Variants in RIT2 observed in about 807,000 individuals in gnomAD.
RIT2 encodes Ras like without CAAX 2.
RIT2 carries 24 observed loss-of-function variants against 23.7 expected under a neutral mutation model. The ratio of observed to expected loss-of-function variants is 1.01; its 90% CI spans 0.73 to 1.43. The LOEUF is 1.43. Among genes scored for constraint, RIT2 ranks in the 40% most tolerant of loss-of-function variants. The probability of loss-of-function intolerance (pLI) is 0.00; values close to 1 mark genes in which losing one functional copy is unlikely to be tolerated. For synonymous variants in RIT2, 107 were observed against 91.1 expected, an observed-to-expected ratio of 1.17 and a Z score of -0.99; for missense variants, 236 against 266.9, an observed-to-expected ratio of 0.88 and a Z score of 0.81.
intron 4 of RIT2, among the ~76,000 whole-genome samples, chr18:42,814,376 G>C (rs1905936088): frequency 6.6e-6 from 1 of 152,124 alleles, no homozygotes; most frequent in Admixed American, 6.5e-5. Flanking sequence ...TGCTATTGGT[G>C]GGGGCACAGT....
intron 1 of RIT2, among the ~76,000 whole-genome samples, chr18:43,070,542 G>A (rs1912874853): frequency 6.6e-6 from 1 of 152,178 alleles, no homozygotes; most frequent in African/African-American, 2.4e-5. Context: ...AACATGATGA[G>A]CTAAGAATCA....
intron 3 of RIT2, among the ~76,000 whole-genome samples, chr18:42,962,020 CACA>C (rs1910105396): frequency 6.6e-6 from 1 of 152,032 alleles, no homozygotes; most frequent in Admixed American, 6.6e-5. Context: ...TGCTCCATAA[CACA>C]ACACCTTTTC....
At chr18:42,870,758 G>A (rs1907600174) in intron 4 of RIT2, among the ~76,000 whole-genome samples, 1 of 152,058 alleles carries the variant, frequency 6.6e-6, no homozygotes, top group African/African-American at 2.4e-5. Flanking sequence ...TGGCAGCCCT[G>A]CTGAGATGAT....
chr18:42,796,133 G>C (rs577796084), intron 4 of RIT2, among the ~76,000 whole-genome samples: 1 of 152,114 alleles, frequency 6.6e-6, no homozygotes, highest in South Asian at 2.1e-4. Flanking sequence ...TCTTGCTACT[G>C]CTCACTCTTT....
intron 1 of RIT2, among the ~76,000 whole-genome samples, chr18:43,098,380 C>A (rs1158363777): frequency 1.3e-5 from 2 of 151,914 alleles, no homozygotes; most frequent in East Asian, 3.9e-4. Context: ...GCAAAAGCAG[C>A]CTTTGGTTCC....
intron 4 of RIT2, among the ~76,000 whole-genome samples, chr18:42,851,482 T>G (rs1907052561): frequency 6.6e-6 from 1 of 152,214 alleles, no homozygotes; most frequent in African/African-American, 2.4e-5. Context: ...ATCTTATTTC[T>G]AGAAGCAGTC....
At chr18:42,855,587 C>A (rs1006758783) in intron 4 of RIT2, among the ~76,000 whole-genome samples, 1 of 152,136 alleles carries the variant, frequency 6.6e-6, no homozygotes, top group Non-Finnish European at 1.5e-5. Flanking sequence ...CAGAATTATA[C>A]CTTCTAAAAG....
intron 4 of RIT2, among the ~76,000 whole-genome samples, chr18:42,861,486 C>T (rs888655753): frequency 6.6e-6 from 1 of 152,182 alleles, no homozygotes; most frequent in Non-Finnish European, 1.5e-5. Flanking sequence ...TTATTTCAGA[C>T]TCTCTAATCC....
intron 4 of RIT2, among the ~76,000 whole-genome samples, chr18:42,831,156 T>C (rs1252754622): frequency 6.6e-6 from 1 of 152,218 alleles, no homozygotes; most frequent in Non-Finnish European, 1.5e-5. Context: ...GAACAGATTA[T>C]GTAAATGAGT....
At chr18:42,814,548 C>T (rs1202940094) in intron 4 of RIT2, among the ~76,000 whole-genome samples, 2 of 152,292 alleles carry the variant, frequency 1.3e-5, no homozygotes, top group East Asian at 1.9e-4. Context: ...CCATCCCCCA[C>T]AGCAGGTGCA....
intron 4 of RIT2, among the ~76,000 whole-genome samples, chr18:42,904,657 A>C (rs903224000): frequency 6.6e-6 from 1 of 152,194 alleles, no homozygotes; most frequent in Middle Eastern, 3.2e-3. Flanking sequence ...GGAAACTGAA[A>C]TAATAAAGTG....
At chr18:43,092,823 C>T (rs1043683985) in intron 1 of RIT2, among the ~76,000 whole-genome samples, 6 of 151,936 alleles carry the variant, frequency 3.9e-5, no homozygotes, top group Non-Finnish European at 8.8e-5. Flanking sequence ...ATGGCTGAAA[C>T]GTAGGTTCTA....
intron 1 of RIT2, among the ~76,000 whole-genome samples, chr18:43,080,186 C>G (rs939148712): frequency 6.6e-6 from 1 of 152,198 alleles, no homozygotes; most frequent in African/African-American, 2.4e-5. Context: ...GGCCGCTTTC[C>G]TCTGTTAGAG....
At chr18:42,918,220 A>T (rs35909967) in intron 4 of RIT2, among the ~76,000 whole-genome samples, 65,516 of 152,058 alleles carry the variant, frequency 0.43, 18,170 homozygotes, top group Non-Finnish European at 0.62. Flanking sequence ...AATTAAATTT[A>T]AAAAATGACA....
At chr18:42,888,544 T>C (rs115692425) in intron 4 of RIT2, among the ~76,000 whole-genome samples, 3,850 of 151,860 alleles carry the variant, frequency 0.025, 167 homozygotes, top group African/African-American at 0.086. Context: ...TTTTTCTTTT[T>C]AAATAATAGC....
chr18:42,833,114 A>G (rs1040002526), intron 4 of RIT2, among the ~76,000 whole-genome samples: 2 of 149,878 alleles, frequency 1.3e-5, no homozygotes, highest in Non-Finnish European at 2.9e-5. Context: ...GTTTGTACCT[A>G]TTAACATACA....
chr18:43,064,407 T>A (rs975549873), intron 1 of RIT2, among the ~76,000 whole-genome samples: 7 of 152,160 alleles, frequency 4.6e-5, no homozygotes, highest in African/African-American at 1.7e-4. Context: ...CTCTAAGTAA[T>A]GTACATTTTG....
rs1287404911 is a variant in RIT2 at position 43,017,195 on chromosome 18, G to C, written c.160+16616C>G. Among the ~76,000 whole-genome samples, 4 of 151,880 alleles carry C rather than the reference G, an allele frequency of 2.6e-5. No homozygotes were observed. In the East Asian group the frequency reaches 5.8e-4, roughly 22 times the overall value. ...TTTAAAAATGATAATTACACAAATT[G>C]GGAGAGGCAAATGCACACTTTGTTA... On this transcript the variant is annotated intron_variant, in intron 2 of 4. Transcript: ENST00000326695.
At chr18:42,957,742 C>A (rs1910005609) in intron 3 of RIT2, among the ~76,000 whole-genome samples, 1 of 152,064 alleles carries the variant, frequency 6.6e-6, no homozygotes, top group Non-Finnish European at 1.5e-5. Flanking sequence ...TGAAGTTGCA[C>A]CACTGCACTC....
Sources: allele counts gnomAD v4.1 joint callset (sites outside exome capture counted in the v4.1 genomes callset), GRCh38; gene constraint gnomAD v4.1.1; transcripts MANE v1.5; gene names NCBI Gene and HGNC (gene_info 2026-07-23, HGNC 2026-07-21).